The following DDX51 variants were observed in gnomAD, a reference collection of about 807,000 sequenced individuals.
DDX51 encodes the protein DEAD-box helicase 51.
DDX51 carries 67 observed loss-of-function variants against 74.6 expected under a neutral mutation model. The ratio of observed to expected loss-of-function variants is 0.90; its 90% CI spans 0.74 to 1.10. The LOEUF (loss-of-function observed/expected upper bound fraction) is 1.10. Ranked by LOEUF, DDX51 falls within the 50% of genes least tolerant of loss-of-function variation. The pLI is 0.00. For synonymous variants in DDX51, 545 were observed against 402.9 expected, an observed-to-expected ratio of 1.35 and a Z score of -4.22; for missense variants, 1,056 against 905.2, an observed-to-expected ratio of 1.17 and a Z score of -2.14.
rs767583936 is a variant in DDX51 at position 132,140,869 on chromosome 12, C to T, written c.1402G>A (p.Gly468Arg). 5.8e-5 allele frequency: 94 copies of T among 1,613,526 alleles called. No individual in the cohort carries two copies. The highest frequency in any genetic ancestry group is 2.6e-4 in the South Asian group (24 of 91,084). ...HRGLEDTDGD[G>R]DSGKYAFPVG... ...GGAAAGGCATACTTCCCCGAATCCC[C>T]GTCCCCATCTGTATCTTCCAGGCCC... is the stretch of plus-strand genomic sequence containing the variant. Residue 468 changes from glycine to arginine, a missense_variant, in exon 9 of 15, where the codon GGG becomes AGG. By Grantham distance (125) the Gly-to-Arg change is moderately radical. Transcript: ENST00000397333.
intron 2 of DDX51, chr12:132,143,442 C>G: frequency 1.7e-6 from 1 of 578,076 alleles, no homozygotes; most frequent in East Asian, 3.2e-5. Flanking sequence ...AAACCCCGCA[C>G]GTTCACGCAA....
At chr12:132,143,356 T>C (rs560119433) in intron 2 of DDX51, 12 of 482,290 alleles carry the variant, frequency 2.5e-5, no homozygotes, top group South Asian at 2.0e-4. Flanking sequence ...CCACACGTGC[T>C]AAGCAAAAAC....
Position 132,143,683 on chromosome 12 carries a change from G to A in DDX51, c.519+12C>T. ...TCTCACGCCGACCACCCTCCCGCCCGCCGAGGCTCACCTTCGGCGCCTTCC... is the reference window on the plus strand; with the variant it reads ...TCTCACGCCGACCACCCTCCCGCCCACCGAGGCTCACCTTCGGCGCCTTCC... On this transcript the variant is annotated intron_variant, in intron 2 of 14. Transcript: ENST00000397333. 6.5e-7 allele frequency: 1 copy of A among 1,536,738 alleles called. No homozygotes were observed.
chr12:132,139,265 C>T lies in DDX51; in HGVS notation c.*7G>A. The T allele has an allele frequency of 1.2e-6, 2 of 1,607,996 alleles. No individual in the cohort carries two copies. Among genetic ancestry groups the T allele is most frequent in the Non-Finnish European group, 1.7e-6 (2 of 1,178,708 alleles). ...CGTTCAGTCCCTCCGGCCCTCTGAG[C>T]CCCAGCCTAGGCCGCCCTCTGCTTG... On this transcript the variant is annotated 3_prime_UTR_variant, in exon 15 of 15. Coordinates refer to ENST00000397333, the MANE Select transcript of DDX51 (RefSeq NM_175066.4).
In DDX51 at chr12:132,138,944, A is replaced by G. The variant is rs1335185368; in HGVS notation, c.*328T>C. On this transcript the variant is annotated 3_prime_UTR_variant, in exon 15 of 15. Transcript: ENST00000397333. ...AGAGCTTGATTTTTAACATTAGCTC[A>G]AGGTTAATGCCCCCAACTCTCAGCA... 1 of 380,002 alleles carries G rather than the reference A, an allele frequency of 2.6e-6. No individual in the cohort carries two copies. The highest frequency in any genetic ancestry group is 4.8e-6 in the Non-Finnish European group (1 of 210,124). The allele number at this position is 380,002 out of a possible 1,614,324, so 23.5% of individuals were successfully genotyped here.
chr12:132,140,941 G>A lies in DDX51; in HGVS notation c.1330C>T (p.Leu444=), dbSNP rs888388758. 6.2e-7 allele frequency: 1 copy of A among 1,613,244 alleles called. No homozygotes were observed. The highest frequency in any genetic ancestry group is 8.5e-7 in the Non-Finnish European group (1 of 1,179,912). Residue 444 remains leucine (L), a synonymous_variant, in exon 9 of 15, where the codon CTG becomes TTG. Transcript: ENST00000397333. ...AAAAGCCGGGGCTGGTGGAGGCCCA[G>A]CTGCTGCAGCTTTTCAGGGTTCTGG... The part of the protein sequence containing the change: ...LTQNPEKLQQ[L]GLHQPRLFST...
At chr12:132,140,221 T>C (rs1897393139) in intron 11 of DDX51, 22 bp from the exon 12 acceptor site, 1 of 1,606,106 alleles carries the variant, frequency 6.2e-7, no homozygotes, top group African/African-American at 1.3e-5. Flanking sequence ...CGCAGCATTG[T>C]GGGCCCGACG....
intron 14 of DDX51, 68 bp from the exon 15 acceptor site, chr12:132,139,366 T>C (rs1897361076): frequency 2.5e-6 from 4 of 1,581,488 alleles, no homozygotes; most frequent in Non-Finnish European, 3.4e-6. Flanking sequence ...GGCCCCGGGC[T>C]CTGCCCCTGG....
rs756954478 is a variant in DDX51 at position 132,142,298 on chromosome 12, G to C, written c.795C>G (p.Ala265=). ...AGACCTGCACCACAGGGATGACGAA[G>C]GCCAGTGTCTTCCCACTGCCTGTTG... The part of the protein sequence containing the change: ...SAPTGSGKTL[A]FVIPVVQALL... Residue 265 remains alanine, a synonymous_variant, in exon 4 of 15, where the codon GCC becomes GCG. Transcript: ENST00000397333. The C allele has an allele frequency of 6.2e-6, 10 of 1,613,114 alleles. No homozygotes were observed. Among genetic ancestry groups the C allele is most frequent in the Non-Finnish European group, 8.5e-6 (10 of 1,179,972 alleles).
rs1380162250 is a variant in DDX51, at chr12:132,138,279, T to G, written c.*993A>C. The G allele has an allele frequency of 6.6e-6, 1 of 152,250 alleles. No homozygotes were observed. The highest frequency in any genetic ancestry group is 1.5e-5 in the Non-Finnish European group (1 of 68,098). 9.4% of individuals were successfully genotyped at this position (152,250 alleles called of 1,614,324 possible). A position where few individuals can be genotyped will look rare whatever the true frequency, so the allele number is the denominator to read the frequency against. On this transcript the variant is annotated 3_prime_UTR_variant, in exon 15 of 15. Coordinates refer to ENST00000397333, the MANE Select transcript of DDX51 (RefSeq NM_175066.4). ...ACCTTCCCACCAGCAATATGTGAGG[T>G]GTCCACTGAACAGTCACAAGGTTCA... is the stretch of plus-strand genomic sequence containing the variant.
rs1278475592 is a variant in DDX51, at chr12:132,143,760, C to T, written c.454G>A (p.Glu152Lys). The T allele has an allele frequency of 6.6e-7, 1 of 1,520,520 alleles. No homozygotes were observed. Among genetic ancestry groups the T allele is most frequent in the Non-Finnish European group, 8.8e-7 (1 of 1,138,022 alleles). 94.2% of individuals were successfully genotyped at this position (1,520,520 alleles called of 1,614,324 possible). A position where few individuals can be genotyped will look rare whatever the true frequency, so the allele number is the denominator to read the frequency against. ...CCGGGGACCAGGGGTCCGGCCGCCT[C>T]CTCCAGGGCCGGTCCATCTGGGGCC... Reference protein sequence around the residue: ...EAAPDGPALEEAAGPLVPGLV... With the variant: ...EAAPDGPALEKAAGPLVPGLV... Residue 152 changes from glutamate to lysine, a missense_variant, in exon 2 of 15, where the codon GAG becomes AAG. Physicochemically the swap from Glu to Lys is moderately conservative, Grantham distance 56 (BLOSUM62 1). Coordinates refer to ENST00000397333, the MANE Select transcript of DDX51 (RefSeq NM_175066.4).
intron 8 of DDX51, 121 bp from the exon 9 acceptor site, chr12:132,141,141 G>C: frequency 1.3e-6 from 2 of 1,494,660 alleles, no homozygotes; most frequent in South Asian, 1.3e-5. Context: ...GGTGGGTCCA[G>C]CTCACGTGAC....
intron 2 of DDX51, 92 bp from the exon 3 acceptor site, chr12:132,142,970 G>A (rs1056423153): frequency 6.4e-7 from 1 of 1,561,168 alleles, no homozygotes; most frequent in African/African-American, 1.4e-5. Context: ...GGGAGGCTGG[G>A]GAAACCTCTG....
rs187280262 is a variant in DDX51 at position 132,137,454 on chromosome 12, G to A, written c.*1818C>T. 6.2e-4 allele frequency: 94 copies of A among 152,334 alleles called. No individual in the cohort carries two copies. Among genetic ancestry groups the A allele is most frequent in the African/African-American group, 2.0e-3 (85 of 41,576 alleles). The allele number at this position is 152,334 out of a possible 1,614,324, so 9.4% of individuals were successfully genotyped here. A position where few individuals can be genotyped will look rare whatever the true frequency, so the allele number is the denominator to read the frequency against. ...TTCTGCTGGGGACTGGCTTTACCCC[G>A]TCTACCTAAATCATTTCTTTCTGCC... On this transcript the variant is annotated 3_prime_UTR_variant, in exon 15 of 15. Transcript: ENST00000397333.
chr12:132,141,633 A>T, intron 6 of DDX51, 27 bp from the exon 7 acceptor site: 1 of 1,547,684 alleles, frequency 6.5e-7, no homozygotes, highest in Non-Finnish European at 8.7e-7. Context: ...AGCTCGAGAG[A>T]AGGAAGCTTT....
At chr12:132,143,357 A>C in intron 2 of DDX51, 1 of 478,626 alleles carries the variant, frequency 2.1e-6, no homozygotes. Flanking sequence ...CACACGTGCT[A>C]AGCAAAAACA....
At position 132,140,724 on chromosome 12, in the gene DDX51, C is replaced by A. The variant is rs777274604; in HGVS notation, c.1452G>T (p.Val484=). The A allele has an allele frequency of 2.5e-6, 4 of 1,613,110 alleles. No homozygotes were observed. The highest frequency in any genetic ancestry group is 3.4e-6 in the Non-Finnish European group (4 of 1,180,028). The change falls in exon 10 of 15, where the codon GTG becomes GTT. Residue 484 remains valine (V), a synonymous_variant. Coordinates refer to ENST00000397333, the MANE Select transcript of DDX51 (RefSeq NM_175066.4). ...AFPVGLTHHY[V]PCSLSSKPLV... is the part of the protein sequence containing the mutation. ...GCGGCTTAGAGCTGAGGCTGCAGGGCACGTAGTGGTGCTACAGGGACGGCA... is the reference window on the plus strand; with the variant it reads ...GCGGCTTAGAGCTGAGGCTGCAGGGAACGTAGTGGTGCTACAGGGACGGCA...
chr12:132,143,383 T>A, intron 2 of DDX51: 1 of 517,756 alleles, frequency 1.9e-6, no homozygotes, highest in Non-Finnish European at 3.4e-6. Context: ...GGTCAGGAGC[T>A]TGCAGAACGG....
Position 132,142,187 on chromosome 12 carries a change from G to A in DDX51, c.820C>T (p.Leu274=), listed in dbSNP as rs1433983859. ...ATGTGGCAGACCACTCTCGAAAGCA[G>A]GGCCTGAGGGGGAAGGAGCGCCTGC... ...LAFVIPVVQA[L]LSRVVCHIRA... Residue 274 remains leucine, a synonymous_variant, in exon 5 of 15, where the codon CTG becomes TTG. Transcript: ENST00000397333. 6.4e-6 allele frequency: 10 copies of A among 1,563,850 alleles called. No homozygotes were observed. The highest frequency in any genetic ancestry group is 6.0e-5 in the South Asian group (5 of 82,938).
Sources: allele counts gnomAD v4.1 joint callset, GRCh38; gene constraint gnomAD v4.1.1; transcripts MANE v1.5; gene names NCBI Gene and HGNC (gene_info 2026-07-23, HGNC 2026-07-21).